Variants in KCNIP4 observed in about 807,000 individuals in gnomAD.
The protein encoded by KCNIP4 is Kv channel-interacting protein 4.
Under a neutral mutation model 34.0 loss-of-function variants are expected in KCNIP4, and 12 were observed. The observed-to-expected ratio is 0.35, with a 90% CI of 0.23 to 0.57. The LOEUF (loss-of-function observed/expected upper bound fraction) is 0.57. KCNIP4 is among the 20% of genes least tolerant of loss of function. KCNIP4 has a pLI of 0.83. For missense variants in KCNIP4, 238 were observed against 311.7 expected, an observed-to-expected ratio of 0.76 and a Z score of 1.78; for synonymous variants, 124 against 102.2, an observed-to-expected ratio of 1.21 and a Z score of -1.29.
At chr4:20,966,249 G>A (rs1343839209) in intron 1 of KCNIP4, among the ~76,000 whole-genome samples, 2 of 152,158 alleles carry the variant, frequency 1.3e-5, no homozygotes, top group Admixed American at 1.3e-4. Flanking sequence ...CTTCATTGCT[G>A]TCTGGTCTTC....
chr4:21,657,772 A>G (rs1478979559), intron 1 of KCNIP4, among the ~76,000 whole-genome samples: 1 of 152,144 alleles, frequency 6.6e-6, no homozygotes, highest in Non-Finnish European at 1.5e-5. Flanking sequence ...CTTGTCTTTG[A>G]CCATAATTTG....
chr4:21,837,912 G>A (rs1723450910), intron 1 of KCNIP4, among the ~76,000 whole-genome samples: 2 of 151,810 alleles, frequency 1.3e-5, no homozygotes, highest in Non-Finnish European at 2.9e-5. Flanking sequence ...GGCAGCACTG[G>A]GCCAATTATC....
intron 1 of KCNIP4, among the ~76,000 whole-genome samples, chr4:20,907,037 C>T (rs1308370021): frequency 2.6e-5 from 4 of 152,182 alleles, no homozygotes; most frequent in South Asian, 2.1e-4. Context: ...ACAGTAGACA[C>T]ACAATACATA....
chr4:21,293,120 C>T (rs951927367), intron 1 of KCNIP4, among the ~76,000 whole-genome samples: 3 of 152,146 alleles, frequency 2.0e-5, no homozygotes, highest in Non-Finnish European at 2.9e-5. Context: ...AATATTCACC[C>T]TTGCCTCATC....
chr4:21,423,881 C>T (rs1245251122), intron 1 of KCNIP4, among the ~76,000 whole-genome samples: 1 of 151,072 alleles, frequency 6.6e-6, no homozygotes, highest in Non-Finnish European at 1.5e-5. Flanking sequence ...AATCTTGGCT[C>T]ACTGCAACCT....
intron 1 of KCNIP4, among the ~76,000 whole-genome samples, chr4:21,630,833 T>C (rs1048545334): frequency 6.6e-6 from 1 of 152,188 alleles, no homozygotes; most frequent in African/African-American, 2.4e-5. Context: ...GCATGAAAGA[T>C]GTTTCTGTTT....
chr4:21,739,077 T>C (rs1716221601), intron 1 of KCNIP4, among the ~76,000 whole-genome samples: 1 of 152,138 alleles, frequency 6.6e-6, no homozygotes, highest in Non-Finnish European at 1.5e-5. Flanking sequence ...GATTGGCCAC[T>C]ACATTTTGCT....
At chr4:21,306,124 C>T (rs1712436853) in intron 1 of KCNIP4, among the ~76,000 whole-genome samples, 1 of 152,172 alleles carries the variant, frequency 6.6e-6, no homozygotes, top group South Asian at 2.1e-4. Flanking sequence ...CCTAGACATT[C>T]TAAAAGTAGG....
rs576988461 is a variant in KCNIP4 at position 21,659,565 on chromosome 4, A to C, written c.61+289006T>G. ...TTTTAATGCATCAAATACATTTTCT[A>C]AGCCACCATTTCTTCATCTAGAGAT... On this transcript the variant is annotated intron_variant, in intron 1 of 8. Transcript: ENST00000382152. 9.5e-4 allele frequency among the ~76,000 whole-genome samples: 145 copies of C among 152,280 alleles called. 4 individuals carry two copies. The South Asian group carries it at 0.024, about 25-fold the overall frequency.
At chr4:21,058,115 T>A (rs1337822297) in intron 1 of KCNIP4, among the ~76,000 whole-genome samples, 1 of 152,062 alleles carries the variant, frequency 6.6e-6, no homozygotes, top group Non-Finnish European at 1.5e-5. Context: ...GGTTGAAAAA[T>A]AAAAACCTAT....
At position 20,850,683 on chromosome 4, in the gene KCNIP4, A is replaced by T. The variant is rs779284618; in HGVS notation, c.164-16T>A. 6.2e-7 allele frequency: 1 copy of T among 1,610,340 alleles called. No individual in the cohort carries two copies. Among genetic ancestry groups the T allele is most frequent in the Admixed American group, 1.7e-5 (1 of 59,554 alleles). ...TCCACGCTGTCTGTGGAGGAAAACA[A>T]GAAAGAGTCTTAGGACCAGCCACTG... On this transcript the variant is annotated splice_polypyrimidine_tract_variant and intron_variant, in intron 2 of 8. Transcript: ENST00000382152.
rs1029629978 is a variant in KCNIP4 at position 21,519,430 on chromosome 4, A to G, written c.61+429141T>C. Among the ~76,000 whole-genome samples, 46 of 132,904 alleles carry G rather than the reference A, an allele frequency of 3.5e-4. 2 individuals carry two copies. Among genetic ancestry groups the G allele is most frequent in the Non-Finnish European group, 3.3e-4 (20 of 60,802 alleles). 87.2% of individuals were successfully genotyped at this position (132,904 alleles called of 152,430 possible). On this transcript the variant is annotated intron_variant, in intron 1 of 8. Coordinates refer to ENST00000382152, the MANE Select transcript of KCNIP4 (RefSeq NM_025221.6). ...TATATGTATGTGTATATATACACAT[A>G]TGTGTGTATATGTATGTGTATATAC...
At chr4:21,572,383 G>A (rs1740427327) in intron 1 of KCNIP4, among the ~76,000 whole-genome samples, 2 of 152,020 alleles carry the variant, frequency 1.3e-5, no homozygotes, top group Non-Finnish European at 2.9e-5. Flanking sequence ...AAATTCTAGG[G>A]TAAAATAAAT....
chr4:21,702,633 T>C (rs1024638189), intron 1 of KCNIP4, among the ~76,000 whole-genome samples: 10 of 151,968 alleles, frequency 6.6e-5, no homozygotes, highest in African/African-American at 2.2e-4. Flanking sequence ...TAAAAAAAAC[T>C]TCAGACCACA....
chr4:20,850,426 A>G (rs2149482817), intron 3 of KCNIP4, 117 bp downstream of exon 3: 3 of 1,088,820 alleles, frequency 2.8e-6, no homozygotes, highest in Non-Finnish European at 4.0e-6. Flanking sequence ...AAGGATCAGT[A>G]TGAAATATAC....
At chr4:21,583,053 G>A (rs187090338) in intron 1 of KCNIP4, among the ~76,000 whole-genome samples, 115 of 151,992 alleles carry the variant, frequency 7.6e-4, no homozygotes, top group African/African-American at 2.7e-3. Flanking sequence ...GAACTCAAAT[G>A]CAAAATCAGA....
intron 1 of KCNIP4, among the ~76,000 whole-genome samples, chr4:21,383,595 A>T (rs1206672937): frequency 1.3e-5 from 2 of 151,882 alleles, no homozygotes; most frequent in Non-Finnish European, 2.9e-5. Flanking sequence ...CAGTGTGAGG[A>T]TCTGGATACT....
chr4:21,537,712 C>T (rs1302469384), intron 1 of KCNIP4, among the ~76,000 whole-genome samples: 1 of 151,928 alleles, frequency 6.6e-6, no homozygotes, highest in Non-Finnish European at 1.5e-5. Flanking sequence ...CCTTATCATC[C>T]TTACAAGAAG....
chr4:21,669,557 T>C (rs1749307084), intron 1 of KCNIP4, among the ~76,000 whole-genome samples: 1 of 151,998 alleles, frequency 6.6e-6, no homozygotes, highest in East Asian at 1.9e-4. Flanking sequence ...TTTGGGGGAG[T>C]CAAAAGTTTT....
Sources: allele counts gnomAD v4.1 joint callset (sites outside exome capture counted in the v4.1 genomes callset), GRCh38; gene constraint gnomAD v4.1.1; transcripts MANE v1.5; gene names NCBI Gene and HGNC (gene_info 2026-07-23, HGNC 2026-07-21).